The following PPIH variants were observed in gnomAD, a reference collection of about 807,000 sequenced individuals.
PPIH encodes peptidylprolyl isomerase H.
Under a neutral mutation model 27.6 loss-of-function variants are expected in PPIH, and 16 were observed. The observed-to-expected ratio is 0.58, with a 90% CI of 0.39 to 0.88. PPIH has a LOEUF of 0.88. PPIH is among the 40% of genes least tolerant of loss of function. The pLI is 0.00. For synonymous variants in PPIH, 63 were observed against 76.1 expected (o/e 0.83, Z 0.90); for missense variants, 155 against 224.1 (o/e 0.69, Z 1.97).
chr1:42,672,924 C>T (rs1233514336), intron 9 of PPIH, among the ~76,000 whole-genome samples: 1 of 152,176 alleles, frequency 6.6e-6, no homozygotes, highest in Non-Finnish European at 1.5e-5. Context: ...ACTGGGATTA[C>T]AGGCGTGAGC....
At chr1:42,661,572 C>G (rs982570014) in intron 5 of PPIH, among the ~76,000 whole-genome samples, 1 of 152,220 alleles carries the variant, frequency 6.6e-6, no homozygotes, top group East Asian at 1.9e-4. Context: ...CTTTCTTAAA[C>G]CTGCTTTTGT....
intron 5 of PPIH, among the ~76,000 whole-genome samples, chr1:42,664,404 T>C (rs1274970394): frequency 6.6e-6 from 1 of 152,214 alleles, no homozygotes; most frequent in Non-Finnish European, 1.5e-5. Flanking sequence ...ATCAATCAAC[T>C]ATGACCAGGA....
At chr1:42,678,052 G>T (rs1196645249), downstream of PPIH, among the ~76,000 whole-genome samples, 2 of 152,170 alleles carry the variant, frequency 1.3e-5, no homozygotes, top group Non-Finnish European at 2.9e-5. Flanking sequence ...GGTGATAAGG[G>T]CCCTACAGTA....
In PPIH at chr1:42,659,096, A is replaced by C. The variant is rs1648847100; in HGVS notation, c.132-132A>C. Reference sequence around the variant, plus strand: ...TTAATTTACGTTGTTAGTCTGTGTGACTGCGTGTCTGGACGTCTGGCTGGC... The same window carrying C: ...TTAATTTACGTTGTTAGTCTGTGTGCCTGCGTGTCTGGACGTCTGGCTGGC... On this transcript the variant is annotated intron_variant, in intron 2 of 9. Transcript: ENST00000304979. 3 of 1,442,290 alleles carry C rather than the reference A, an allele frequency of 2.1e-6. No individual in the cohort carries two copies. The African/African-American group carries it at 4.2e-5, about 20-fold the overall frequency. The allele number at this position is 1,442,290 out of a possible 1,614,324, so 89.3% of individuals were successfully genotyped here.
intron 5 of PPIH, among the ~76,000 whole-genome samples, chr1:42,662,878 ACTT>A (rs1649119116): frequency 6.6e-6 from 1 of 152,138 alleles, no homozygotes; most frequent in Admixed American, 6.5e-5. Flanking sequence ...TATATGTTTT[ACTT>A]TTTTTGTACT....
chr1:42,658,604 A>C, intron 1 of PPIH, 92 bp downstream of exon 1: 1 of 1,431,946 alleles, frequency 7.0e-7, no homozygotes, highest in Non-Finnish European at 9.7e-7. Context: ...GGACTCGGGA[A>C]GCCAGCCAGA....
downstream of PPIH, among the ~76,000 whole-genome samples, chr1:42,680,539 T>C (rs193013166): frequency 2.4e-4 from 36 of 152,258 alleles, no homozygotes; most frequent in Non-Finnish European, 4.6e-4. Context: ...AGGGTAATAG[T>C]AGTCACTGGA....
intron 7 of PPIH, 120 bp downstream of exon 7, chr1:42,666,187 T>A: frequency 1.1e-6 from 1 of 936,586 alleles, no homozygotes; most frequent in Non-Finnish European, 1.7e-6. Context: ...TAGGTGGTAA[T>A]AGAGAAAACA....
rs1648975403 is a variant in PPIH, at chr1:42,660,905, G to T, written c.243+1G>T. ...GATTCAGGGTGGAGATTTTGTTAATGTAAGTACTATTCCTTTCCTATCAAA... is the reference window on the plus strand; with the variant it reads ...GATTCAGGGTGGAGATTTTGTTAATTTAAGTACTATTCCTTTCCTATCAAA... On this transcript the variant is annotated splice_donor_variant, in intron 5 of 9. Coordinates refer to ENST00000304979, the MANE Select transcript of PPIH (RefSeq NM_006347.4). LOFTEE classifies it high-confidence loss of function. The T allele has an allele frequency of 1.2e-6, 2 of 1,609,030 alleles. No individual in the cohort carries two copies. Among genetic ancestry groups the T allele is most frequent in the Non-Finnish European group, 1.7e-6 (2 of 1,175,824 alleles).
intron 2 of PPIH, 44 bp from the exon 3 acceptor site, chr1:42,659,184 G>T: frequency 6.2e-7 from 1 of 1,612,774 alleles, no homozygotes; most frequent in Non-Finnish European, 8.5e-7. Flanking sequence ...GCTCACGACT[G>T]TGACATCATA....
At chr1:42,671,715 G>C (rs527444527) in intron 9 of PPIH, among the ~76,000 whole-genome samples, 75 of 152,260 alleles carry the variant, frequency 4.9e-4, no homozygotes, top group Non-Finnish European at 8.2e-4. Flanking sequence ...GGAAATCTGG[G>C]TGGCAGTCTA....
At chr1:42,675,227 A>G (rs1030769503) in intron 9 of PPIH, 1 of 152,204 alleles carries the variant, frequency 6.6e-6, no homozygotes, top group African/African-American at 2.4e-5. Flanking sequence ...TTGAACATGT[A>G]TCTTGTAATA....
At chr1:42,677,649 CAACA>C (rs371174878), downstream of PPIH, among the ~76,000 whole-genome samples, 210 of 152,252 alleles carry the variant, frequency 1.4e-3, 1 homozygote, top group African/African-American at 4.6e-3. Flanking sequence ...TGTCTGTACA[CAACA>C]AACAAACAAC....
chr1:42,676,886 G>A (rs1035116492), downstream of PPIH: 7 of 152,106 alleles, frequency 4.6e-5, no homozygotes, highest in Admixed American at 4.6e-4. Flanking sequence ...ATGGACCAGA[G>A]CCAAGCTTTT....
At chr1:42,661,875 A>G (rs1033244251) in intron 5 of PPIH, among the ~76,000 whole-genome samples, 1 of 152,174 alleles carries the variant, frequency 6.6e-6, no homozygotes, top group African/African-American at 2.4e-5. Context: ...TAAAAAATGG[A>G]AAGTGGAAGT....
At chr1:42,659,710 T>C in intron 4 of PPIH, 144 bp downstream of exon 4, 2 of 1,286,866 alleles carry the variant, frequency 1.6e-6, no homozygotes, top group African/African-American at 1.5e-5. Flanking sequence ...TGAAGATTTA[T>C]TAAATGTTCT....
intron 5 of PPIH, among the ~76,000 whole-genome samples, chr1:42,661,866 A>G (rs1006916712): frequency 1.3e-5 from 2 of 152,026 alleles, no homozygotes; most frequent in African/African-American, 2.4e-5. Context: ...TTTTCTCTTT[A>G]AAAAATGGAA....
chr1:42,665,901 T>C lies in PPIH; in HGVS notation c.337-79T>C. On this transcript the variant is annotated intron_variant, in intron 6 of 9. Coordinates refer to ENST00000304979, the MANE Select transcript of PPIH (RefSeq NM_006347.4). ...AAAAAAACCATAGAGGAATCAGTGTTACAAGCTCTTTTGGAAATCTTGCCC... is the reference window on the plus strand; with the variant it reads ...AAAAAAACCATAGAGGAATCAGTGTCACAAGCTCTTTTGGAAATCTTGCCC... The C allele has an allele frequency of 2.6e-6, 3 of 1,171,706 alleles. No individual in the cohort carries two copies. The South Asian group carries it at 3.7e-5, about 14-fold the overall frequency. The allele number at this position is 1,171,706 out of a possible 1,614,324, so 72.6% of individuals were successfully genotyped here.
downstream of PPIH, among the ~76,000 whole-genome samples, chr1:42,679,585 T>C (rs1378158989): frequency 1.3e-5 from 2 of 152,250 alleles, no homozygotes; most frequent in Non-Finnish European, 2.9e-5. Flanking sequence ...TAAAGTAACA[T>C]TGAAAAGACA....
Sources: allele counts gnomAD v4.1 joint callset (sites outside exome capture counted in the v4.1 genomes callset), GRCh38; gene constraint gnomAD v4.1.1; transcripts MANE v1.5; gene names NCBI Gene and HGNC (gene_info 2026-07-23, HGNC 2026-07-21).